The following ANKRD27 variants were observed in gnomAD, a reference collection of about 807,000 sequenced individuals.
The protein encoded by ANKRD27 is ankyrin repeat domain 27, also known as ankyrin repeat domain-containing protein 27.
In ANKRD27, 112 loss-of-function variants were observed where a neutral mutation model predicts 129.7. That is an observed-to-expected ratio of 0.86 (90% confidence interval 0.74 to 1.01). ANKRD27 has a LOEUF of 1.01. Among genes scored for constraint, ANKRD27 ranks in the 50% least tolerant of loss-of-function variants. ANKRD27 has a pLI of 0.00. For missense variants in ANKRD27, 1,258 were observed against 1,300.5 expected, an observed-to-expected ratio of 0.97 and a Z score of 0.50; for synonymous variants, 516 against 511.2, an observed-to-expected ratio of 1.01 and a Z score of -0.13.
chr19:32,618,696 G>C (rs978217494), intron 20 of ANKRD27, among the ~76,000 whole-genome samples: 7 of 152,004 alleles, frequency 4.6e-5, no homozygotes, highest in Admixed American at 1.3e-4. Context: ...CAGCACCCAT[G>C]GGGGGGCCAT....
intron 22 of ANKRD27, among the ~76,000 whole-genome samples, chr19:32,613,286 G>T (rs1971860400): frequency 1.3e-5 from 2 of 152,166 alleles, no homozygotes; most frequent in Non-Finnish European, 2.9e-5. Context: ...CCAGTGCTGG[G>T]GAGGACGAGG....
chr19:32,629,428 G>A lies in ANKRD27; in HGVS notation c.1210-579C>T, dbSNP rs548538238. 7.6e-4 allele frequency among the ~76,000 whole-genome samples: 115 copies of A among 152,242 alleles called. 2 individuals are homozygous for A. In the South Asian group the frequency reaches 0.012, roughly 15 times the overall value. On this transcript the variant is annotated intron_variant, in intron 13 of 28. Transcript: ENST00000306065. ...AAAAAAACAATGACATGCCTGGAGC[G>A]GTGGCTCACGCCTATAATCCCAGCA... is the stretch of plus-strand genomic sequence containing the variant.
chr19:32,644,306 G>C lies in ANKRD27; in HGVS notation c.525+19C>G, dbSNP rs767702093. The C allele has an allele frequency of 2.2e-5, 35 of 1,607,460 alleles. No individual in the cohort carries two copies. The Middle Eastern group carries it at 6.3e-4, about 29-fold the overall frequency. On this transcript the variant is annotated intron_variant, in intron 5 of 28. Coordinates refer to ENST00000306065, the MANE Select transcript of ANKRD27 (RefSeq NM_032139.3). The stretch of plus-strand genomic sequence containing the variant: ...ACCGAGACAGGGCACGCCAGGCAGA[G>C]GACAGCACGGCTACTGACTATGTGG...
At chr19:32,627,677 C>A (rs1281659987) in intron 15 of ANKRD27, among the ~76,000 whole-genome samples, 1 of 152,174 alleles carries the variant, frequency 6.6e-6, no homozygotes, top group Non-Finnish European at 1.5e-5. Flanking sequence ...GGATTACAGG[C>A]ATGAGCCACC....
At position 32,622,471 on chromosome 19, in the gene ANKRD27, A is replaced by G. The variant is rs1568403133; in HGVS notation, c.1778T>C (p.Ile593Thr). The change falls in exon 18 of 29, where the codon ATC (isoleucine) becomes ACC (threonine). Residue 593 changes from isoleucine (I) to threonine (T), a missense_variant. Coordinates refer to ENST00000306065, the MANE Select transcript of ANKRD27 (RefSeq NM_032139.3). ...GGGCGTCTCCTTCAGTCTGTTCTGG[A>G]TCTCGGTGGACGCTCCGTTCTGCAG... is the stretch of plus-strand genomic sequence containing the variant. ...TLLQNGASTE[I>T]QNRLKETPLK... The G allele has an allele frequency of 6.2e-7, 1 of 1,613,670 alleles. No individual in the cohort carries two copies. The highest frequency in any genetic ancestry group is 8.5e-7 in the Non-Finnish European group (1 of 1,179,962).
At chr19:32,666,261 G>A (rs980387155) in intron 1 of ANKRD27, 15 of 152,166 alleles carry the variant, frequency 9.9e-5, no homozygotes, top group Non-Finnish European at 2.1e-4. Context: ...GGTTCTAAAA[G>A]CAAAAGCCAA....
Position 32,658,453 on chromosome 19 carries a change from T to C in ANKRD27, c.102+461A>G, listed in dbSNP as rs184730615. Among the ~76,000 whole-genome samples, 184 of 152,330 alleles carry C rather than the reference T, an allele frequency of 1.2e-3. 1 individual carries two copies. The highest frequency in any genetic ancestry group is 4.3e-3 in the African/African-American group (178 of 41,582). Reference sequence around the variant, plus strand: ...CAGAAAAGTTCTTTCATCATGGTGCTTTCCCTTTGGAAAAACCTTTCAAAG... The same window carrying C: ...CAGAAAAGTTCTTTCATCATGGTGCCTTCCCTTTGGAAAAACCTTTCAAAG... On this transcript the variant is annotated intron_variant, in intron 2 of 28. Transcript: ENST00000306065.
At chr19:32,622,190 ACT>A (rs765783002) in intron 18 of ANKRD27, among the ~76,000 whole-genome samples, 1 of 152,062 alleles carries the variant, frequency 6.6e-6, no homozygotes, top group Non-Finnish European at 1.5e-5. Flanking sequence ...GCCAGAACAA[ACT>A]CTGCCTGCAG....
intron 25 of ANKRD27, 121 bp downstream of exon 25, chr19:32,604,142 G>A (rs186125242): frequency 1.1e-5 from 13 of 1,165,774 alleles, no homozygotes; most frequent in Admixed American, 2.7e-5. Context: ...CACCAACTAC[G>A]CCCAGCCCGG....
At chr19:32,632,031 ATAATCCCAGCAC>A (rs1240160000) in intron 12 of ANKRD27, among the ~76,000 whole-genome samples, 1 of 152,038 alleles carries the variant, frequency 6.6e-6, no homozygotes, top group Non-Finnish European at 1.5e-5. Context: ...GCTCACACCT[ATAATCCCAGCAC>A]TTTGGGAGGC....
At chr19:32,637,532 G>C (rs767233078) in intron 12 of ANKRD27, 22 of 152,290 alleles carry the variant, frequency 1.4e-4, no homozygotes, top group Non-Finnish European at 3.1e-4. Context: ...CAGCCCATCG[G>C]GAGTGGCTGC....
At chr19:32,643,723 G>T in intron 5 of ANKRD27, 92 bp from the exon 6 acceptor site, 1 of 1,289,072 alleles carries the variant, frequency 7.8e-7, no homozygotes. Context: ...AGCTTCAAGT[G>T]CTAACACAAG....
intron 2 of ANKRD27, among the ~76,000 whole-genome samples, chr19:32,652,377 G>A (rs1428717109): frequency 6.7e-6 from 1 of 149,236 alleles, no homozygotes; most frequent in African/African-American, 2.5e-5. Flanking sequence ...ATCACCTGAG[G>A]TCAGGAGTTT....
intron 21 of ANKRD27, among the ~76,000 whole-genome samples, chr19:32,616,230 G>C (rs1198452179): frequency 6.6e-6 from 1 of 152,040 alleles, no homozygotes; most frequent in East Asian, 1.9e-4. Flanking sequence ...AGGGCACTTA[G>C]TGAGCACCTC....
intron 18 of ANKRD27, 90 bp downstream of exon 18, chr19:32,622,332 T>C (rs1972022626): frequency 5.7e-6 from 8 of 1,400,730 alleles, no homozygotes; most frequent in Non-Finnish European, 8.0e-6. Flanking sequence ...CAGGCAATAA[T>C]GCACAATTTG....
chr19:32,609,339 C>A (rs10402929), intron 22 of ANKRD27, among the ~76,000 whole-genome samples: 88,771 of 150,972 alleles, frequency 0.59, 27,064 homozygotes, highest in Non-Finnish European at 0.69. Context: ...TGTTTACCCA[C>A]CAACGTATAT....
chr19:32,613,339 G>A (rs1170851583), intron 22 of ANKRD27, among the ~76,000 whole-genome samples: 2 of 152,150 alleles, frequency 1.3e-5, no homozygotes, highest in Non-Finnish European at 2.9e-5. Flanking sequence ...CATGTAAAAT[G>A]ATACAGCCTG....
intron 1 of ANKRD27, among the ~76,000 whole-genome samples, chr19:32,661,238 C>CAT (rs200351078): frequency 0.015 from 1,846 of 125,224 alleles, 53 homozygotes; most frequent in African/African-American, 0.054. Context: ...CACACACACA[C>CAT]ACACACACAC....
chr19:32,633,773 GCACT>G (rs1168948668), intron 12 of ANKRD27, among the ~76,000 whole-genome samples: 1 of 151,954 alleles, frequency 6.6e-6, no homozygotes, highest in Non-Finnish European at 1.5e-5. Context: ...TGTAATCCCA[GCACT>G]TTGGGAAGCT....
Sources: allele counts gnomAD v4.1 joint callset (sites outside exome capture counted in the v4.1 genomes callset), GRCh38; gene constraint gnomAD v4.1.1; transcripts MANE v1.5; gene names NCBI Gene and HGNC (gene_info 2026-07-23, HGNC 2026-07-21).